STIM1: variants seen among roughly 807,000 people sequenced by gnomAD.
The protein encoded by STIM1 is stromal interaction molecule 1.
STIM1 carries 25 observed loss-of-function variants against 74.7 expected under a neutral mutation model. The ratio of observed to expected loss-of-function variants is 0.33; its 90% CI spans 0.24 to 0.47. The LOEUF is 0.47. Ranked by LOEUF, STIM1 falls within the 20% of genes least tolerant of loss-of-function variation. STIM1 has a pLI of 1.00. For missense variants in STIM1, 728 were observed against 920.8 expected (o/e 0.79, Z 2.71); for synonymous variants, 328 against 348.8 (o/e 0.94, Z 0.66).
At chr11:3,950,103 C>T (rs2093126752) in intron 1 of STIM1, among the ~76,000 whole-genome samples, 1 of 151,322 alleles carries the variant, frequency 6.6e-6, no homozygotes, top group Admixed American at 6.6e-5. Context: ...CTTGGAAACT[C>T]ATCCAAGTTG....
intron 3 of STIM1, among the ~76,000 whole-genome samples, chr11:4,031,069 T>C (rs1188577774): frequency 2.6e-5 from 4 of 152,224 alleles, no homozygotes; most frequent in Non-Finnish European, 5.9e-5. Context: ...TCTGCTCCCC[T>C]AGCAACCACT....
chr11:3,880,328 T>G (rs2091455888), intron 1 of STIM1, among the ~76,000 whole-genome samples: 1 of 152,188 alleles, frequency 6.6e-6, no homozygotes, highest in African/African-American at 2.4e-5. Flanking sequence ...TTCTCGTGTC[T>G]TGATTTCCAA....
At chr11:4,042,222 T>C (rs1318692234) in intron 3 of STIM1, among the ~76,000 whole-genome samples, 2 of 152,216 alleles carry the variant, frequency 1.3e-5, no homozygotes, top group Non-Finnish European at 2.9e-5. Flanking sequence ...GAGTATACTG[T>C]TCCTTCTGCC....
At chr11:4,072,621 G>A (rs2094410865) in intron 6 of STIM1, among the ~76,000 whole-genome samples, 1 of 152,128 alleles carries the variant, frequency 6.6e-6, no homozygotes, top group Admixed American at 6.5e-5. Context: ...GACCTTATTG[G>A]AACTATGAAA....
intron 2 of STIM1, among the ~76,000 whole-genome samples, chr11:3,996,521 G>A (rs147357767): frequency 1.0e-3 from 152 of 152,316 alleles, no homozygotes; most frequent in African/African-American, 3.6e-3. Flanking sequence ...TCCTGCTCAG[G>A]ACATTCCAGG....
intron 3 of STIM1, among the ~76,000 whole-genome samples, chr11:4,026,685 A>G (rs1300616133): frequency 1.3e-5 from 2 of 152,248 alleles, no homozygotes; most frequent in Admixed American, 6.5e-5. Context: ...CCCTATACTT[A>G]TGATTACAAT....
chr11:4,065,108 G>A (rs2094356855), intron 5 of STIM1, among the ~76,000 whole-genome samples: 1 of 152,218 alleles, frequency 6.6e-6, no homozygotes, highest in South Asian at 2.1e-4. Flanking sequence ...AGTGTGCTTA[G>A]TCCTGGGCTA....
At chr11:3,925,650 A>G (rs1047601543) in intron 1 of STIM1, among the ~76,000 whole-genome samples, 1 of 152,218 alleles carries the variant, frequency 6.6e-6, no homozygotes, top group Non-Finnish European at 1.5e-5. Context: ...GCTTTATTTT[A>G]TCATTATTTA....
chr11:3,959,822 C>T (rs900373644), intron 1 of STIM1, among the ~76,000 whole-genome samples: 6 of 151,878 alleles, frequency 4.0e-5, no homozygotes, highest in African/African-American at 1.5e-4. Context: ...ATATTATTTG[C>T]CTTAAAAAAA....
chr11:3,916,615 C>T (rs2092647946), intron 1 of STIM1, among the ~76,000 whole-genome samples: 1 of 152,110 alleles, frequency 6.6e-6, no homozygotes, highest in African/African-American at 2.4e-5. Flanking sequence ...CCACACCCAG[C>T]TAATTTTTGT....
At chr11:3,870,671 A>AT (rs1241867460) in intron 1 of STIM1, among the ~76,000 whole-genome samples, 6 of 151,516 alleles carry the variant, frequency 4.0e-5, no homozygotes, top group Non-Finnish European at 7.4e-5. Context: ...TAGTTTTTAT[A>AT]TTTTTTGTAG....
intron 5 of STIM1, among the ~76,000 whole-genome samples, chr11:4,064,213 G>A (rs1426911921): frequency 6.6e-6 from 1 of 152,074 alleles, no homozygotes; most frequent in African/African-American, 2.4e-5. Flanking sequence ...TTTGAAAATC[G>A]CCGGCTGGAA....
chr11:4,020,735 C>T (rs781470554), intron 2 of STIM1, among the ~76,000 whole-genome samples: 27 of 151,916 alleles, frequency 1.8e-4, no homozygotes, highest in Non-Finnish European at 3.2e-4. Context: ...TAGCTGGGAC[C>T]ACAGGCATAA....
chr11:3,995,803 C>A (rs896769637), intron 2 of STIM1, among the ~76,000 whole-genome samples: 7 of 141,056 alleles, frequency 5.0e-5, no homozygotes, highest in Non-Finnish European at 1.1e-4. Context: ...TGCTACTACA[C>A]CTGGCTTCTT....
intron 1 of STIM1, among the ~76,000 whole-genome samples, chr11:3,869,013 G>A (rs1349130602): frequency 6.6e-6 from 1 of 151,772 alleles, no homozygotes; most frequent in South Asian, 2.1e-4. Flanking sequence ...CTGTCGCCCA[G>A]GCTGGAGTGC....
intron 1 of STIM1, among the ~76,000 whole-genome samples, chr11:3,899,109 C>T (rs1302227571): frequency 7.5e-4 from 113 of 151,282 alleles, no homozygotes; most frequent in Middle Eastern, 3.4e-3. Context: ...CCTTGGGCAG[C>T]ATGGCCATTT....
chr11:4,020,820 C>G (rs986876349), intron 2 of STIM1, among the ~76,000 whole-genome samples: 5 of 151,858 alleles, frequency 3.3e-5, no homozygotes, highest in African/African-American at 1.2e-4. Context: ...CCAGGCTGGT[C>G]TCAAAATCCT....
At chr11:3,972,881 C>A in intron 2 of STIM1, 1 of 490,274 alleles carries the variant, frequency 2.0e-6, no homozygotes, top group South Asian at 1.5e-5. Context: ...GTATAGAATC[C>A]AGAGCTTCTG....
rs558833047 is a variant in STIM1 at position 3,996,667 on chromosome 11, C to T, written c.271-27206C>T. On this transcript the variant is annotated intron_variant, in intron 2 of 12. Transcript: ENST00000526596. Reference sequence around the variant, plus strand: ...TCTTGGTTTAAATATTGTGGACTCTCGCTGTTCTTAGATTTTCTTGAGCAT... The same window carrying T: ...TCTTGGTTTAAATATTGTGGACTCTTGCTGTTCTTAGATTTTCTTGAGCAT... Among the ~76,000 whole-genome samples, 5 of 152,280 alleles carry T rather than the reference C, an allele frequency of 3.3e-5. No individual in the cohort carries two copies. The East Asian group carries it at 5.8e-4, about 18-fold the overall frequency.
Sources: allele counts gnomAD v4.1 joint callset (sites outside exome capture counted in the v4.1 genomes callset), GRCh38; gene constraint gnomAD v4.1.1; transcripts MANE v1.5; gene names NCBI Gene and HGNC (gene_info 2026-07-23, HGNC 2026-07-21).